Variants in FAM135B observed in about 807,000 individuals in gnomAD.
The protein encoded by FAM135B is family with sequence similarity 135 member B.
In FAM135B, 43 loss-of-function variants were observed where a neutral mutation model predicts 127.7. That is an observed-to-expected ratio of 0.34 (90% confidence interval 0.26 to 0.43). FAM135B has a LOEUF of 0.43. Ranked by LOEUF, FAM135B falls within the 20% of genes least tolerant of loss-of-function variation. The pLI is 1.00. For missense variants in FAM135B, 1,558 were observed against 1,725.6 expected, an observed-to-expected ratio of 0.90 and a Z score of 1.72; for synonymous variants, 670 against 665.1, an observed-to-expected ratio of 1.01 and a Z score of -0.11.
At chr8:138,472,368 T>C (rs1488699551) in intron 1 of FAM135B, among the ~76,000 whole-genome samples, 1 of 152,146 alleles carries the variant, frequency 6.6e-6, no homozygotes, top group African/African-American at 2.4e-5. Context: ...AGGGAGGATC[T>C]GGCCTTAGAA....
chr8:138,306,161 G>A (rs920901496), intron 3 of FAM135B, among the ~76,000 whole-genome samples: 12 of 152,142 alleles, frequency 7.9e-5, no homozygotes, highest in Non-Finnish European at 1.3e-4. Flanking sequence ...GAGGCCAGGC[G>A]TGGTGGCTCA....
Position 138,159,278 on chromosome 8 carries a change from C to CAA in FAM135B, c.1259-6064_1259-6063dup, listed in dbSNP as rs1441016128. ...TGGGCGACAGAGCGAGACTCCGTCT[C>CAA]AAAAAAAAAAAAAGACACATGCACA... On this transcript the variant is annotated intron_variant, in intron 12 of 19. Transcript: ENST00000395297. Among the ~76,000 whole-genome samples the CAA allele has an allele frequency of 1.3e-4, 4 of 31,648 alleles. 1 individual carries two copies. Among genetic ancestry groups the CAA allele is most frequent in the African/African-American group, 3.4e-4 (3 of 8,696 alleles). 20.8% of individuals were successfully genotyped at this position (31,648 alleles called of 152,430 possible). A position where few individuals can be genotyped will look rare whatever the true frequency, so the allele number is the denominator to read the frequency against.
intron 6 of FAM135B, among the ~76,000 whole-genome samples, chr8:138,244,238 G>T (rs1300299985): frequency 6.6e-6 from 1 of 152,160 alleles, no homozygotes; most frequent in Non-Finnish European, 1.5e-5. Context: ...ACCAATAGAT[G>T]TAATACAATG....
chr8:138,487,863 G>T (rs1815043346), intron 1 of FAM135B, among the ~76,000 whole-genome samples: 1 of 152,052 alleles, frequency 6.6e-6, no homozygotes, highest in African/African-American at 2.4e-5. Context: ...AATTAGCCAG[G>T]CGTGGTGGTG....
intron 2 of FAM135B, among the ~76,000 whole-genome samples, chr8:138,316,356 C>T (rs1333214929): frequency 2.0e-5 from 3 of 151,886 alleles, no homozygotes; most frequent in Non-Finnish European, 2.9e-5. Context: ...TAGCCAGGCG[C>T]AGTGGCGGGC....
chr8:138,177,508 G>T (rs1814587555), intron 10 of FAM135B, 88 bp from the exon 11 acceptor site: 1 of 1,171,516 alleles, frequency 8.5e-7, no homozygotes, highest in Non-Finnish European at 1.2e-6. Context: ...TCAAAAAGAT[G>T]AATGATATTT....
At chr8:138,443,570 A>G (rs1435799781) in intron 1 of FAM135B, among the ~76,000 whole-genome samples, 1 of 152,226 alleles carries the variant, frequency 6.6e-6, no homozygotes, top group African/African-American at 2.4e-5. Context: ...CTTATTTTCA[A>G]AATTGTCATT....
intron 2 of FAM135B, among the ~76,000 whole-genome samples, chr8:138,347,886 T>C (rs2131098216): frequency 6.6e-6 from 1 of 152,054 alleles, no homozygotes; most frequent in South Asian, 2.1e-4. Flanking sequence ...AAAACGGAGG[T>C]AGAATTATAG....
chr8:138,390,414 G>C (rs1250775977), intron 1 of FAM135B, among the ~76,000 whole-genome samples: 1 of 152,072 alleles, frequency 6.6e-6, no homozygotes, highest in Non-Finnish European at 1.5e-5. Flanking sequence ...TGTAAGATGT[G>C]CCTTTTGCCT....
chr8:138,483,787 G>A (rs1377552227), intron 1 of FAM135B, among the ~76,000 whole-genome samples: 1 of 152,144 alleles, frequency 6.6e-6, no homozygotes, highest in Non-Finnish European at 1.5e-5. Context: ...TCCACTGGGT[G>A]TCAATCCAGT....
At chr8:138,321,622 T>A (rs747267456) in intron 2 of FAM135B, among the ~76,000 whole-genome samples, 3 of 152,142 alleles carry the variant, frequency 2.0e-5, no homozygotes, top group Non-Finnish European at 4.4e-5. Flanking sequence ...TCCTCAGGTA[T>A]AAATGGGGAT....
chr8:138,485,857 T>G (rs567401637), intron 1 of FAM135B, among the ~76,000 whole-genome samples: 1 of 152,218 alleles, frequency 6.6e-6, no homozygotes, highest in East Asian at 1.9e-4. Context: ...GACGAGGCCA[T>G]GTTCGACAGA....
At chr8:138,447,289 G>T (rs1372324436) in intron 1 of FAM135B, among the ~76,000 whole-genome samples, 4 of 152,072 alleles carry the variant, frequency 2.6e-5, no homozygotes, top group Non-Finnish European at 5.9e-5. Flanking sequence ...ATTTGACCCA[G>T]CCATCCCATT....
chr8:138,299,113 T>TA (rs1462981187), intron 3 of FAM135B, among the ~76,000 whole-genome samples: 4 of 143,080 alleles, frequency 2.8e-5, no homozygotes, highest in East Asian at 2.1e-4. Context: ...ATAAATAAAA[T>TA]AAAAATAAAA....
chr8:138,311,845 C>T (rs1369300402), intron 2 of FAM135B, among the ~76,000 whole-genome samples: 2 of 152,110 alleles, frequency 1.3e-5, no homozygotes, highest in Non-Finnish European at 2.9e-5. Context: ...GAGAAAAGGG[C>T]ACTGGCGCTG....
intron 13 of FAM135B, among the ~76,000 whole-genome samples, chr8:138,150,810 A>G (rs1460919969): frequency 6.6e-6 from 1 of 152,172 alleles, no homozygotes; most frequent in Non-Finnish European, 1.5e-5. Context: ...GCAAACATAG[A>G]TTTATAAACA....
intron 1 of FAM135B, among the ~76,000 whole-genome samples, chr8:138,465,678 C>G (rs573983467): frequency 5.9e-5 from 9 of 152,328 alleles, no homozygotes; most frequent in African/African-American, 2.2e-4. Flanking sequence ...AGCCTCTCCC[C>G]TCTCAGCTGA....
intron 1 of FAM135B, among the ~76,000 whole-genome samples, chr8:138,442,024 T>C (rs79164675): frequency 0.051 from 7,734 of 151,726 alleles, 366 homozygotes; most frequent in African/African-American, 0.13. Context: ...ATATTTTGTA[T>C]GTCAAGTTCT....
intron 2 of FAM135B, among the ~76,000 whole-genome samples, chr8:138,311,200 GTGACA>G (rs964305351): frequency 7.9e-5 from 12 of 152,366 alleles, no homozygotes; most frequent in Admixed American, 7.8e-4. Context: ...GATGGGTCAT[GTGACA>G]CAGTTTCATT....
Sources: allele counts gnomAD v4.1 joint callset (sites outside exome capture counted in the v4.1 genomes callset), GRCh38; gene constraint gnomAD v4.1.1; transcripts MANE v1.5; gene names NCBI Gene and HGNC (gene_info 2026-07-23, HGNC 2026-07-21).